RASGRF2: variants seen among roughly 807,000 people sequenced by gnomAD.
RASGRF2 encodes Ras protein specific guanine nucleotide releasing factor 2.
In RASGRF2, 76 loss-of-function variants were observed where a neutral mutation model predicts 151.0. The observed-to-expected ratio is 0.50, with a 90% CI of 0.42 to 0.61. RASGRF2 has a LOEUF of 0.61. RASGRF2 is among the 20% of genes least tolerant of loss of function. The pLI is 0.00. For synonymous variants in RASGRF2, 504 were observed against 566.5 expected (o/e 0.89, Z 1.57); for missense variants, 1,148 against 1,564.6 (o/e 0.73, Z 4.49).
chr5:81,165,426 A>G (rs1054311071), intron 17 of RASGRF2, among the ~76,000 whole-genome samples: 1 of 152,156 alleles, frequency 6.6e-6, no homozygotes, highest in Non-Finnish European at 1.5e-5. Flanking sequence ...CCATGCAGGG[A>G]GGTATAAATG....
intron 2 of RASGRF2, among the ~76,000 whole-genome samples, chr5:81,044,367 A>T (rs1050672135): frequency 3.3e-5 from 5 of 152,104 alleles, no homozygotes; most frequent in African/African-American, 4.8e-5. Flanking sequence ...ACAGTGAGCC[A>T]AGATCACACC....
intron 19 of RASGRF2, among the ~76,000 whole-genome samples, chr5:81,204,630 G>A (rs1437948017): frequency 6.6e-6 from 1 of 152,104 alleles, no homozygotes; most frequent in Non-Finnish European, 1.5e-5. Flanking sequence ...CTCCAAAGTT[G>A]TCTAACTAGC....
intron 18 of RASGRF2, among the ~76,000 whole-genome samples, chr5:81,200,995 T>C (rs916899103): frequency 2.0e-5 from 3 of 151,916 alleles, no homozygotes; most frequent in Non-Finnish European, 4.4e-5. Context: ...ATGCAAGCAG[T>C]GTGAGAGAAG....
intron 5 of RASGRF2, among the ~76,000 whole-genome samples, chr5:81,076,844 T>C (rs991338675): frequency 1.3e-5 from 2 of 152,192 alleles, no homozygotes; most frequent in African/African-American, 4.8e-5. Flanking sequence ...TGTGTTAGCT[T>C]ATTAGGCTAG....
intron 22 of RASGRF2, among the ~76,000 whole-genome samples, 168 bp downstream of exon 22, chr5:81,208,606 C>G (rs1755565282): frequency 7.4e-6 from 1 of 135,064 alleles, no homozygotes; most frequent in South Asian, 2.5e-4. Flanking sequence ...GGCTGGAGTG[C>G]AATGGCGTGA....
chr5:81,046,147 A>G (rs1176298296), intron 2 of RASGRF2, among the ~76,000 whole-genome samples: 1 of 152,190 alleles, frequency 6.6e-6, no homozygotes, highest in African/African-American at 2.4e-5. Context: ...ATCCTCCTGT[A>G]GATGCCACTT....
intron 5 of RASGRF2, 77 bp from the exon 6 acceptor site, chr5:81,080,044 G>T: frequency 1.3e-6 from 2 of 1,513,256 alleles, no homozygotes; most frequent in Non-Finnish European, 1.8e-6. Flanking sequence ...ATATATTAAG[G>T]CTTTAAGGAC....
chr5:81,130,790 C>T (rs1753597351), intron 17 of RASGRF2, among the ~76,000 whole-genome samples: 1 of 151,978 alleles, frequency 6.6e-6, no homozygotes, highest in Non-Finnish European at 1.5e-5. Flanking sequence ...AAATAAACAC[C>T]CCATGCTTTC....
intron 15 of RASGRF2, among the ~76,000 whole-genome samples, chr5:81,115,355 G>T (rs764440919): frequency 2.6e-5 from 4 of 152,166 alleles, no homozygotes; most frequent in Non-Finnish European, 5.9e-5. Context: ...AGAACAACAA[G>T]CTTAAGCAAA....
chr5:80,981,373 A>G (rs898231537), intron 1 of RASGRF2, among the ~76,000 whole-genome samples: 1 of 152,110 alleles, frequency 6.6e-6, no homozygotes, highest in Non-Finnish European at 1.5e-5. Context: ...AAAAAAGTTT[A>G]CAAATCCGTG....
In RASGRF2 at chr5:81,113,590, G is replaced by A; in HGVS notation, c.2140G>A (p.Val714Met). 6.2e-7 allele frequency: 1 copy of A among 1,608,926 alleles called. No homozygotes were observed. The highest frequency in any genetic ancestry group is 8.5e-7 in the Non-Finnish European group (1 of 1,175,322). The change falls in exon 15 of 27, where the codon GTG (valine) becomes ATG (methionine). Residue 714 changes from valine to methionine, a missense_variant. This residue lies in a region of RASGRF2 where 646 missense variants were observed against 807.4 expected (regional missense o/e 0.80). Transcript: ENST00000265080. ...CCAGAACAACAGAGGTGAACATTTG[G>A]TGGATGGCAAATCCCCACGTCTGTG... ...TSQNNRGEHL[V>M]DGKSPRLCRK...
chr5:81,018,701 A>T (rs1394762291), intron 1 of RASGRF2, among the ~76,000 whole-genome samples: 1 of 152,102 alleles, frequency 6.6e-6, no homozygotes, highest in Non-Finnish European at 1.5e-5. Context: ...AAAGAGGAGG[A>T]GGTAATGAAT....
intron 1 of RASGRF2, among the ~76,000 whole-genome samples, chr5:80,982,550 G>C (rs1467775277): frequency 1.4e-5 from 2 of 143,724 alleles, no homozygotes; most frequent in Admixed American, 7.0e-5. Context: ...CTGTGTGGCT[G>C]GGGGCTGGAA....
At chr5:81,115,931 T>C (rs931396036) in intron 15 of RASGRF2, among the ~76,000 whole-genome samples, 1 of 152,126 alleles carries the variant, frequency 6.6e-6, no homozygotes, top group African/African-American at 2.4e-5. Flanking sequence ...TCACATCTGG[T>C]TGAGCAGAAT....
intron 17 of RASGRF2, among the ~76,000 whole-genome samples, chr5:81,151,719 A>G (rs915242906): frequency 1.3e-5 from 2 of 152,184 alleles, no homozygotes; most frequent in African/African-American, 4.8e-5. Flanking sequence ...CCTTGCTAGT[A>G]TAACATGGGT....
chr5:80,992,091 C>G (rs1748668924), intron 1 of RASGRF2, among the ~76,000 whole-genome samples: 1 of 132,730 alleles, frequency 7.5e-6, no homozygotes, highest in Non-Finnish European at 1.7e-5. Context: ...ACCTCCTCCC[C>G]TATCCTGGAC....
At chr5:81,056,739 C>G (rs1401227530) in intron 2 of RASGRF2, among the ~76,000 whole-genome samples, 1 of 152,112 alleles carries the variant, frequency 6.6e-6, no homozygotes, top group African/African-American at 2.4e-5. Flanking sequence ...GTTAACGTCT[C>G]CCATTATTAT....
intron 17 of RASGRF2, among the ~76,000 whole-genome samples, chr5:81,153,918 T>TA (rs552055817): frequency 7.0e-4 from 92 of 130,554 alleles, no homozygotes; most frequent in Middle Eastern, 9.0e-3. Flanking sequence ...GCTCTACTGA[T>TA]AAAATAGACT....
chr5:81,191,988 G>A (rs558413058), intron 18 of RASGRF2, among the ~76,000 whole-genome samples: 27 of 152,230 alleles, frequency 1.8e-4, no homozygotes, highest in Non-Finnish European at 3.8e-4. Context: ...TTTTCGCTGT[G>A]CCTTCTCCCC....
Sources: allele counts gnomAD v4.1 joint callset (sites outside exome capture counted in the v4.1 genomes callset), GRCh38; gene constraint gnomAD v4.1.1; regional missense constraint gnomAD v4.1.1; transcripts MANE v1.5; gene names NCBI Gene and HGNC (gene_info 2026-07-23, HGNC 2026-07-21).